CAND1: variants seen among roughly 807,000 people sequenced by gnomAD.
CAND1 encodes cullin associated and neddylation dissociated 1.
A neutral mutation model predicts 108.5 loss-of-function variants in CAND1; 7 were observed. That is an observed-to-expected ratio of 0.06 (90% confidence interval 0.04 to 0.12). CAND1 has a LOEUF of 0.12. CAND1 is among the 10% of genes least tolerant of loss of function. The probability of loss-of-function intolerance (pLI) is 1.00; values close to 1 mark genes in which losing one functional copy is unlikely to be tolerated. For missense variants in CAND1, 941 were observed against 1,448.7 expected, an observed-to-expected ratio of 0.65 and a Z score of 5.69; for synonymous variants, 534 against 512.0, an observed-to-expected ratio of 1.04 and a Z score of -0.58.
At position 67,292,639 on chromosome 12, in the gene CAND1, G is replaced by A. The variant is rs2044733171; in HGVS notation, c.230G>A (p.Ser77Asn). The A allele has an allele frequency of 6.2e-7, 1 of 1,610,616 alleles. No homozygotes were observed. The highest frequency in any genetic ancestry group is 1.7e-5 in the Admixed American group (1 of 59,258). ...TATTACAGTCTTGGTCCTTTAGTGAGTAAAGTGAAAGAATACCAAGTAGAG... is the reference window on the plus strand; with the variant it reads ...TATTACAGTCTTGGTCCTTTAGTGAATAAAGTGAAAGAATACCAAGTAGAG... ...LAVKCLGPLVSKVKEYQVETI... is the reference protein window; with the variant it reads ...LAVKCLGPLVNKVKEYQVETI... Residue 77 changes from serine to asparagine, a missense_variant, in exon 3 of 15, where the codon AGT (serine) becomes AAT (asparagine). By Grantham distance (46) the Ser-to-Asn change is conservative. Around this residue, in one of 9 missense-constraint regions of CAND1, gnomAD observed 44 missense variants for 129.1 expected, o/e 0.34. Coordinates refer to ENST00000545606, the MANE Select transcript of CAND1 (RefSeq NM_018448.5).
chr12:67,281,873 A>C (rs1227572679), intron 1 of CAND1, 37 bp from the exon 2 acceptor site: 1 of 1,458,810 alleles, frequency 6.9e-7, no homozygotes, highest in African/African-American at 1.4e-5. Flanking sequence ...TTAATGCTTT[A>C]AAATTTTCAA....
chr12:67,309,057 A>G (rs1257781161), intron 11 of CAND1, among the ~76,000 whole-genome samples: 1 of 152,048 alleles, frequency 6.6e-6, no homozygotes, highest in Non-Finnish European at 1.5e-5. Context: ...TGTACTAGAC[A>G]TTGTCTTCAA....
At chr12:67,277,504 G>A (rs2044580721) in intron 1 of CAND1, among the ~76,000 whole-genome samples, 2 of 152,060 alleles carry the variant, frequency 1.3e-5, no homozygotes. Flanking sequence ...ACTGTGCTTG[G>A]AGGCCATATT....
chr12:67,306,514 ATGT>A lies in CAND1; in HGVS notation c.2852_2854del (p.Val951del). 1 of 1,614,050 alleles carries A rather than the reference ATGT, an allele frequency of 6.2e-7. No individual in the cohort carries two copies. Among genetic ancestry groups the A allele is most frequent in the Non-Finnish European group, 8.5e-7 (1 of 1,179,934 alleles). Reference sequence around the variant, plus strand: ...GAGTGTGCAGAGGAAGGAACCAGAAATGTTGTTGCTGAATGTCTAGGAAAACTC... The same window carrying A: ...GAGTGTGCAGAGGAAGGAACCAGAAATGTTGCTGAATGTCTAGGAAAACTC... On this transcript the variant is annotated inframe_deletion, in exon 10 of 15. Transcript: ENST00000545606.
rs1371509369 is a variant in CAND1, at chr12:67,312,586, A to G, written c.3469-20A>G. On this transcript the variant is annotated intron_variant, in intron 14 of 14. Transcript: ENST00000545606. ...AGCTGTCTTTTATAGCATGTAATCT[A>G]AGTTTACTCCATCTTACAGGTAAAG... is the stretch of plus-strand genomic sequence containing the variant. 2 of 1,526,836 alleles carry G rather than the reference A, an allele frequency of 1.3e-6. No individual in the cohort carries two copies. The highest frequency in any genetic ancestry group is 3.9e-5 in the Admixed American group (2 of 51,890). The allele number at this position is 1,526,836 out of a possible 1,614,324, so 94.6% of individuals were successfully genotyped here.
Position 67,281,897 on chromosome 12 carries a change from A to AT in CAND1, c.69-6dup, listed in dbSNP as rs767450894. 4 of 1,551,700 alleles carry AT rather than the reference A, an allele frequency of 2.6e-6. No individual in the cohort carries two copies. In the African/African-American group the frequency reaches 4.2e-5, roughly 16 times the overall value. ...TAAAATTTTCAAATTAACAAATTTT[A>AT]TTTTTTTGATAGGTTTATGGCTACA... On this transcript the variant is annotated splice_polypyrimidine_tract_variant and intron_variant, in intron 1 of 14. Coordinates refer to ENST00000545606, the MANE Select transcript of CAND1 (RefSeq NM_018448.5).
intron 4 of CAND1, among the ~76,000 whole-genome samples, chr12:67,295,420 G>A (rs927848286): frequency 2.0e-5 from 3 of 151,762 alleles, no homozygotes; most frequent in Admixed American, 1.3e-4. Context: ...TTTTTAGCAC[G>A]GTTCATGTTT....
Position 67,305,149 on chromosome 12 carries a change from A to G in CAND1, c.1481A>G (p.Lys494Arg). The change falls in exon 10 of 15, where the codon AAG becomes AGG. Residue 494 changes from lysine to arginine, a missense_variant. Physicochemically the swap from Lys to Arg is conservative, Grantham distance 26. Around this residue, in one of 9 missense-constraint regions of CAND1, gnomAD observed 697 missense variants for 942.0 expected, o/e 0.74. Coordinates refer to ENST00000545606, the MANE Select transcript of CAND1 (RefSeq NM_018448.5). The surrounding 1 kb of genome is among the most constrained non-coding windows in gnomAD (Gnocchi z 4.4). Reference protein sequence around the residue: ...LNDKSSSSNLKIDALSCLYVI... With the variant: ...LNDKSSSSNLRIDALSCLYVI... ...GATAAATCAAGCTCATCGAATTTGA[A>G]GATCGATGCTTTGTCATGTCTATAC... 6.2e-7 allele frequency: 1 copy of G among 1,611,118 alleles called. No homozygotes were observed. Among genetic ancestry groups the G allele is most frequent in the Non-Finnish European group, 8.5e-7 (1 of 1,178,980 alleles).
chr12:67,284,323 TC>T (rs1315101152), intron 2 of CAND1, among the ~76,000 whole-genome samples: 1 of 152,078 alleles, frequency 6.6e-6, no homozygotes, highest in Admixed American at 6.5e-5. Flanking sequence ...ATTTAAATGT[TC>T]AAAATAAAAT....
At chr12:67,304,517 C>A in intron 8 of CAND1, 88 bp from the exon 9 acceptor site, 1 of 1,343,022 alleles carries the variant, frequency 7.4e-7, no homozygotes, top group Non-Finnish European at 1.0e-6. Flanking sequence ...TAAACTCTTC[C>A]CTTTATCCTC....
rs890609217 is a variant in CAND1 at position 67,295,234 on chromosome 12, A to G, written c.491+78A>G. 4.5e-6 allele frequency: 6 copies of G among 1,323,404 alleles called. No individual in the cohort carries two copies. The African/African-American group carries it at 6.0e-5, about 13-fold the overall frequency. The allele number at this position is 1,323,404 out of a possible 1,614,324, so 82.0% of individuals were successfully genotyped here. A position where few individuals can be genotyped will look rare whatever the true frequency, so the allele number is the denominator to read the frequency against. On this transcript the variant is annotated intron_variant, in intron 4 of 14. Coordinates refer to ENST00000545606, the MANE Select transcript of CAND1 (RefSeq NM_018448.5). ...TTACTAAAAACCCTTTCTAGTAAATATAATAAAACTTGGTCAGAAATTATT... is the reference window on the plus strand; with the variant it reads ...TTACTAAAAACCCTTTCTAGTAAATGTAATAAAACTTGGTCAGAAATTATT...
At chr12:67,278,573 C>T (rs1469265330) in intron 1 of CAND1, among the ~76,000 whole-genome samples, 3 of 152,128 alleles carry the variant, frequency 2.0e-5, no homozygotes, top group Non-Finnish European at 4.4e-5. Context: ...GGCTGTAGTG[C>T]AGTGGCTCAA....
At chr12:67,275,524 A>C (rs1292715397) in intron 1 of CAND1, among the ~76,000 whole-genome samples, 1 of 151,352 alleles carries the variant, frequency 6.6e-6, no homozygotes, top group East Asian at 1.9e-4. Context: ...AGACTGTCTC[A>C]AAAAGAAAAA....
In CAND1 at chr12:67,305,191, A is replaced by G. The variant is rs772884568; in HGVS notation, c.1523A>G (p.His508Arg). ...TGTCTATACGTAATCCTCTGTAACC[A>G]TTCTCCTCAAGTCTTCCATCCTCAC... ...LSCLYVILCN[H>R]SPQVFHPHVQ... The change falls in exon 10 of 15, where the codon CAT (histidine) becomes CGT (arginine). Residue 508 changes from histidine to arginine, a missense_variant. Physicochemically the swap from His to Arg is conservative, Grantham distance 29 (BLOSUM62 0). This residue lies in a region of CAND1 where 697 missense variants were observed against 942.0 expected (regional missense o/e 0.74). Coordinates refer to ENST00000545606, the MANE Select transcript of CAND1 (RefSeq NM_018448.5). This position sits in a 1 kb window ranked among gnomAD's most constrained non-coding sequence, Gnocchi z 4.4. The G allele has an allele frequency of 3.7e-6, 6 of 1,613,996 alleles. No homozygotes were observed. The highest frequency in any genetic ancestry group is 5.1e-6 in the Non-Finnish European group (6 of 1,180,014).
chr12:67,290,305 G>A (rs1425020389), intron 2 of CAND1, among the ~76,000 whole-genome samples: 1 of 152,130 alleles, frequency 6.6e-6, no homozygotes, highest in Non-Finnish European at 1.5e-5. Flanking sequence ...GAGGTCAGGA[G>A]TTCGAGACCA....
intron 7 of CAND1, among the ~76,000 whole-genome samples, chr12:67,301,879 C>T (rs1011944576): frequency 6.6e-6 from 1 of 152,114 alleles, no homozygotes; most frequent in Non-Finnish European, 1.5e-5. Flanking sequence ...TCTATTACCA[C>T]AAATCCATTT....
intron 1 of CAND1, among the ~76,000 whole-genome samples, chr12:67,280,015 C>G (rs1592604905): frequency 6.6e-6 from 1 of 152,254 alleles, no homozygotes; most frequent in East Asian, 1.9e-4. Flanking sequence ...TTTCCACTTT[C>G]CAGAATATTA....
At chr12:67,287,857 A>ATTTTTTTTTTTTTTTTTTTTTTT (rs34177330) in intron 2 of CAND1, among the ~76,000 whole-genome samples, 3 of 112,564 alleles carry the variant, frequency 2.7e-5, no homozygotes, top group South Asian at 2.9e-4. Flanking sequence ...TTTTGATGTG[A>ATTTTTTTTTTTTTTTTTTTTTTT]TTTTTTTTTT....
At chr12:67,274,818 G>GT (rs936694986) in intron 1 of CAND1, among the ~76,000 whole-genome samples, 1 of 152,054 alleles carries the variant, frequency 6.6e-6, no homozygotes, top group Admixed American at 6.5e-5. Context: ...TAAAATGCTT[G>GT]TAAAAAAAAC....
Sources: allele counts gnomAD v4.1 joint callset (sites outside exome capture counted in the v4.1 genomes callset), GRCh38; gene constraint gnomAD v4.1.1; regional missense constraint gnomAD v4.1.1; non-coding constraint Gnocchi (gnomAD v3.1); transcripts MANE v1.5; gene names NCBI Gene and HGNC (gene_info 2026-07-23, HGNC 2026-07-21).